The following FHIT variants were observed in gnomAD, a reference collection of about 807,000 sequenced individuals.
FHIT encodes fragile histidine triad diadenosine triphosphatase, also known as bis(5'-adenosyl)-triphosphatase.
Under a neutral mutation model 17.9 loss-of-function variants are expected in FHIT, and 19 were observed. The ratio of observed to expected loss-of-function variants is 1.06; its 90% CI spans 0.74 to 1.56. The LOEUF (loss-of-function observed/expected upper bound fraction) is 1.56. Among genes scored for constraint, FHIT ranks in the 40% most tolerant of loss-of-function variants. FHIT has a pLI of 0.00. For synonymous variants in FHIT, 81 were observed against 69.7 expected (o/e 1.16, Z -0.81); for missense variants, 248 against 189.2 (o/e 1.31, Z -1.82).
intron 1 of FHIT, among the ~76,000 whole-genome samples, chr3:61,250,487 TCAGGCAACATCCTTTGGC>T (rs2040594982): frequency 6.6e-6 from 1 of 152,236 alleles, no homozygotes; most frequent in African/African-American, 2.4e-5. Flanking sequence ...GATTTCGGCT[TCAGGCAACATCCTTTGGC>T]CACTTGACCT....
intron 3 of FHIT, among the ~76,000 whole-genome samples, chr3:60,869,126 T>C (rs1438693676): frequency 2.0e-5 from 3 of 152,138 alleles, no homozygotes; most frequent in African/African-American, 7.2e-5. Context: ...ATGAAGATTT[T>C]GAAATACCCC....
intron 8 of FHIT, among the ~76,000 whole-genome samples, chr3:59,893,235 G>T (rs1406835242): frequency 6.6e-6 from 1 of 152,186 alleles, no homozygotes; most frequent in African/African-American, 2.4e-5. Flanking sequence ...GTAGCACAGA[G>T]AACCAATCCC....
At chr3:60,593,717 A>C (rs1436506153) in intron 4 of FHIT, among the ~76,000 whole-genome samples, 1 of 152,154 alleles carries the variant, frequency 6.6e-6, no homozygotes, top group African/African-American at 2.4e-5. Flanking sequence ...CAAAGCAGAC[A>C]GATATGCAGG....
chr3:60,664,780 T>A (rs964269454), intron 4 of FHIT, among the ~76,000 whole-genome samples: 1 of 151,506 alleles, frequency 6.6e-6, no homozygotes, highest in African/African-American at 2.4e-5. Context: ...AAGTTGTTCA[T>A]AGTATTTTTA....
At chr3:60,556,636 T>C (rs1173727165) in intron 4 of FHIT, among the ~76,000 whole-genome samples, 1 of 152,218 alleles carries the variant, frequency 6.6e-6, no homozygotes, top group Admixed American at 6.5e-5. Flanking sequence ...AAAGCTCTTC[T>C]CAGTACAAGT....
chr3:59,873,715 G>GC (rs113397413), intron 8 of FHIT, among the ~76,000 whole-genome samples: 3 of 152,072 alleles, frequency 2.0e-5, no homozygotes, highest in Non-Finnish European at 4.4e-5. Flanking sequence ...TGCCAAATGT[G>GC]CCCCGGGGGA....
chr3:60,324,016 G>A (rs1319849032), intron 5 of FHIT, among the ~76,000 whole-genome samples: 1 of 152,038 alleles, frequency 6.6e-6, no homozygotes, highest in Admixed American at 6.5e-5. Flanking sequence ...TTGAGGTCTA[G>A]AATCCTTTGT....
intron 7 of FHIT, among the ~76,000 whole-genome samples, chr3:59,978,153 T>G (rs2107417261): frequency 6.6e-6 from 1 of 152,242 alleles, no homozygotes; most frequent in Middle Eastern, 3.4e-3. Flanking sequence ...TTGAGGAAAC[T>G]GAGGCCTAAA....
At chr3:60,463,353 A>T (rs530608328) in intron 5 of FHIT, among the ~76,000 whole-genome samples, 2 of 152,298 alleles carry the variant, frequency 1.3e-5, no homozygotes, top group African/African-American at 4.8e-5. Context: ...AGAGAACATA[A>T]TTTTTCTTCT....
intron 5 of FHIT, among the ~76,000 whole-genome samples, chr3:60,223,137 T>C (rs1704038857): frequency 6.6e-6 from 1 of 152,160 alleles, no homozygotes; most frequent in Admixed American, 6.6e-5. Context: ...CTTCCAGGGA[T>C]AGAGGCTCCC....
intron 2 of FHIT, among the ~76,000 whole-genome samples, chr3:61,163,103 C>CT: frequency 6.6e-6 from 1 of 152,190 alleles, no homozygotes; most frequent in Non-Finnish European, 1.5e-5. Flanking sequence ...CTCACACTCT[C>CT]TGCACATGCC....
chr3:60,294,348 G>C (rs1308341698), intron 5 of FHIT, among the ~76,000 whole-genome samples: 3 of 152,112 alleles, frequency 2.0e-5, no homozygotes, highest in African/African-American at 7.2e-5. Context: ...ACAGCTGGAA[G>C]GGACCTCAGA....
At chr3:60,160,450 T>G (rs1700891024) in intron 5 of FHIT, among the ~76,000 whole-genome samples, 2 of 152,174 alleles carry the variant, frequency 1.3e-5, no homozygotes, top group Non-Finnish European at 2.9e-5. Context: ...TTTGCATTGT[T>G]TTTACAACTA....
intron 3 of FHIT, among the ~76,000 whole-genome samples, chr3:60,835,131 T>G (rs1702489617): frequency 6.6e-6 from 1 of 152,154 alleles, no homozygotes; most frequent in African/African-American, 2.4e-5. Context: ...ATAGTAACTA[T>G]GCAATACTTC....
At chr3:60,396,971 T>C (rs1328590529) in intron 5 of FHIT, among the ~76,000 whole-genome samples, 1 of 152,206 alleles carries the variant, frequency 6.6e-6, no homozygotes, top group Non-Finnish European at 1.5e-5. Context: ...AGGGGCTTTA[T>C]TATTACTGTT....
intron 3 of FHIT, among the ~76,000 whole-genome samples, chr3:60,955,615 T>TACATATATATATATAC (rs1559862343): frequency 2.4e-4 from 3 of 12,384 alleles, no homozygotes; most frequent in Non-Finnish European, 8.4e-4. Flanking sequence ...TATATATATA[T>TACATATATATATATAC]ATATATATAT....
intron 3 of FHIT, among the ~76,000 whole-genome samples, chr3:60,976,096 C>CTTTTTTTTTTT (rs869239307): frequency 0.018 from 1,192 of 66,810 alleles, 157 homozygotes; most frequent in Non-Finnish European, 0.022. Flanking sequence ...TTTTCTTTTT[C>CTTTTTTTTTTT]TTTTTTTTTT....
rs1211959730 is a variant in FHIT at position 60,633,995 on chromosome 3, CCTT to C, written c.-17-97019_-17-97017del. On this transcript the variant is annotated intron_variant, in intron 4 of 9. Coordinates refer to ENST00000492590, the MANE Select transcript of FHIT (RefSeq NM_002012.4). The stretch of plus-strand genomic sequence containing the variant: ...GTTTCCAGGTTTTAAACAATTTTAA[CCTT>C]CTCTCTGGCACAGAGCTGCTGTACT... Among the ~76,000 whole-genome samples the C allele has an allele frequency of 2.0e-5, 3 of 152,122 alleles. No homozygotes were observed. The East Asian group carries it at 5.8e-4, about 29-fold the overall frequency.
chr3:61,191,708 C>T (rs1576183578), intron 2 of FHIT, among the ~76,000 whole-genome samples: 1 of 152,068 alleles, frequency 6.6e-6, no homozygotes, highest in East Asian at 1.9e-4. Context: ...TCTGATATCC[C>T]TTTAGCTCCA....
Sources: gnomAD v4.1 joint callset for allele counts (sites outside exome capture counted in the v4.1 genomes callset) on GRCh38, gnomAD v4.1.1 for gene constraint, MANE v1.5 for transcripts, NCBI Gene and HGNC (gene_info 2026-07-23, HGNC 2026-07-21) for gene names.